The following SNX29 variants were observed in gnomAD, a reference collection of about 807,000 sequenced individuals.
SNX29 encodes the protein sorting nexin-29.
A neutral mutation model predicts 102.1 loss-of-function variants in SNX29; 78 were observed. The ratio of observed to expected loss-of-function variants is 0.76; its 90% CI spans 0.64 to 0.92. The LOEUF (loss-of-function observed/expected upper bound fraction) is 0.92, where lower values mean the gene tolerates loss of function less well. Among genes scored for constraint, SNX29 ranks in the 40% least tolerant of loss-of-function variants. SNX29 has a pLI of 0.00. For missense variants in SNX29, 1,280 were observed against 1,061.7 expected (o/e 1.21, Z -2.86); for synonymous variants, 580 against 414.5 (o/e 1.40, Z -4.85).
At chr16:12,548,339 A>T (rs935250604) in intron 20 of SNX29, among the ~76,000 whole-genome samples, 1 of 152,082 alleles carries the variant, frequency 6.6e-6, no homozygotes, top group African/African-American at 2.4e-5. Flanking sequence ...CTCCATGGGG[A>T]ATGACAGTGG....
At chr16:12,550,186 A>G (rs2856776) in intron 20 of SNX29, among the ~76,000 whole-genome samples, 39,014 of 152,142 alleles carry the variant, frequency 0.26, 5,365 homozygotes, top group African/African-American at 0.34. Context: ...CCATGACATT[A>G]TTACTAAGAG....
At chr16:12,564,934 TAAAAAA>T (rs6145751) in intron 20 of SNX29, among the ~76,000 whole-genome samples, 4 of 144,936 alleles carry the variant, frequency 2.8e-5, no homozygotes, top group Admixed American at 6.9e-5. Flanking sequence ...ACCTTGGTGT[TAAAAAA>T]AAAAAAAAAA....
intron 18 of SNX29, 54 bp downstream of exon 18, chr16:12,403,583 T>G: frequency 2.0e-6 from 3 of 1,514,752 alleles, no homozygotes; most frequent in Non-Finnish European, 2.7e-6. Context: ...AACGCCCATT[T>G]GTCATGCTGT....
intron 14 of SNX29, among the ~76,000 whole-genome samples, chr16:12,265,495 T>G (rs1005467060): frequency 6.6e-6 from 1 of 152,034 alleles, no homozygotes; most frequent in African/African-American, 2.4e-5. Context: ...ACATGAGACA[T>G]GAAACTTAAT....
chr16:12,138,752 T>C (rs945658822), intron 13 of SNX29, among the ~76,000 whole-genome samples: 2 of 152,088 alleles, frequency 1.3e-5, no homozygotes, highest in South Asian at 2.1e-4. Context: ...GTTCTTTCAC[T>C]AGAAGAAGAG....
intron 15 of SNX29, among the ~76,000 whole-genome samples, chr16:12,354,568 G>A (rs1437842664): frequency 1.3e-5 from 2 of 152,222 alleles, no homozygotes; most frequent in South Asian, 2.1e-4. Flanking sequence ...AATGGCAGTG[G>A]CATTTATTTA....
intron 11 of SNX29, among the ~76,000 whole-genome samples, chr16:12,122,235 C>T (rs2054002677): frequency 6.6e-6 from 1 of 152,180 alleles, no homozygotes; most frequent in Non-Finnish European, 1.5e-5. Context: ...GGGCCAGATG[C>T]CTCTGTCGCC....
chr16:12,140,198 C>T (rs923701963), intron 13 of SNX29, among the ~76,000 whole-genome samples: 2 of 152,280 alleles, frequency 1.3e-5, no homozygotes, highest in Admixed American at 1.3e-4. Context: ...TCCATGTCTC[C>T]TCTCTCTTTC....
Position 12,573,674 on chromosome 16 carries a change from C to G in SNX29, c.*5045C>G, listed in dbSNP as rs1049531948. 2.9e-4 allele frequency: 64 copies of G among 222,968 alleles called. No individual in the cohort carries two copies. The East Asian group carries it at 4.0e-3, about 14-fold the overall frequency. The allele number at this position is 222,968 out of a possible 1,614,324, so 13.8% of individuals were successfully genotyped here. On this transcript the variant is annotated 3_prime_UTR_variant, in exon 21 of 21. Transcript: ENST00000566228. ...TCATTCACTGTCAGTGTAGGTAAGA[C>G]AGAGGATGCCCTTGCAAAAATTGGG...
intron 11 of SNX29, among the ~76,000 whole-genome samples, chr16:12,111,460 G>C (rs2053497525): frequency 6.6e-6 from 1 of 152,154 alleles, no homozygotes; most frequent in South Asian, 2.1e-4. Context: ...TTACCTCAGA[G>C]ACTTGAGGCA....
chr16:12,161,641 A>G (rs1429438349), intron 13 of SNX29, among the ~76,000 whole-genome samples: 3 of 152,124 alleles, frequency 2.0e-5, no homozygotes, highest in African/African-American at 7.2e-5. Context: ...GTATTGGGTC[A>G]CGGGGACAGG....
At chr16:12,482,490 C>G (rs960684837) in intron 19 of SNX29, among the ~76,000 whole-genome samples, 15 of 152,064 alleles carry the variant, frequency 9.9e-5, no homozygotes, top group African/African-American at 3.6e-4. Context: ...TTTGCAGAGA[C>G]AGGGTTTCAC....
At chr16:12,135,654 G>A in intron 13 of SNX29, 1 of 1,306,330 alleles carries the variant, frequency 7.7e-7, no homozygotes, top group South Asian at 1.2e-5. Flanking sequence ...TCTCATTTGA[G>A]CTCCTGGATC....
At chr16:12,537,008 G>C (rs1271603800) in intron 20 of SNX29, among the ~76,000 whole-genome samples, 1 of 152,158 alleles carries the variant, frequency 6.6e-6, no homozygotes, top group Non-Finnish European at 1.5e-5. Flanking sequence ...GAGTTGTTCA[G>C]GGCATGGGGG....
intron 19 of SNX29, among the ~76,000 whole-genome samples, chr16:12,522,231 A>G (rs1350733264): frequency 6.6e-6 from 1 of 152,224 alleles, no homozygotes; most frequent in Non-Finnish European, 1.5e-5. Flanking sequence ...CGTTGTATAG[A>G]ACATACTTTT....
At chr16:12,055,239 T>C (rs2050472104) in intron 8 of SNX29, among the ~76,000 whole-genome samples, 1 of 151,410 alleles carries the variant, frequency 6.6e-6, no homozygotes, top group African/African-American at 2.4e-5. Flanking sequence ...TCCTTTCTTT[T>C]TTTTTTTTTT....
intron 13 of SNX29, among the ~76,000 whole-genome samples, chr16:12,192,619 C>T (rs578142786): frequency 3.4e-4 from 52 of 152,302 alleles, no homozygotes; most frequent in African/African-American, 1.0e-3. Flanking sequence ...TCAAGTGATC[C>T]TCCTGCCTCA....
intron 20 of SNX29, among the ~76,000 whole-genome samples, chr16:12,552,115 C>T (rs763002943): frequency 1.1e-3 from 162 of 152,348 alleles, no homozygotes; most frequent in Non-Finnish European, 1.6e-3. Flanking sequence ...GTAACCATGG[C>T]TGATACGGAA....
chr16:12,138,455 G>T (rs910982620), intron 13 of SNX29, among the ~76,000 whole-genome samples: 1 of 152,038 alleles, frequency 6.6e-6, no homozygotes, highest in African/African-American at 2.4e-5. Context: ...TAATCTGCCT[G>T]CCTTGGCCTC....
Sources: gnomAD v4.1 joint callset for allele counts (sites outside exome capture counted in the v4.1 genomes callset) on GRCh38, gnomAD v4.1.1 for gene constraint, MANE v1.5 for transcripts, NCBI Gene and HGNC (gene_info 2026-07-23, HGNC 2026-07-21) for gene names.